The following CDH4 variants were observed in gnomAD, a reference collection of about 807,000 sequenced individuals.
CDH4 encodes cadherin-4.
A neutral mutation model predicts 86.0 loss-of-function variants in CDH4; 33 were observed. That is an observed-to-expected ratio of 0.38 (90% CI 0.29 to 0.51). The LOEUF is 0.51. Ranked by LOEUF, CDH4 falls within the 20% of genes least tolerant of loss-of-function variation. CDH4 has a pLI of 0.86. For missense variants in CDH4, 1,114 were observed against 1,307.4 expected, an observed-to-expected ratio of 0.85 and a Z score of 2.28; for synonymous variants, 555 against 549.4, an observed-to-expected ratio of 1.01 and a Z score of -0.14.
intron 2 of CDH4, among the ~76,000 whole-genome samples, chr20:61,639,740 C>T (rs977851582): frequency 1.3e-5 from 2 of 151,464 alleles, no homozygotes; most frequent in Non-Finnish European, 2.9e-5. Flanking sequence ...GCAGAAGGCT[C>T]GAGCTTTGTG....
chr20:61,904,051 G>C (rs1179404872), intron 8 of CDH4, among the ~76,000 whole-genome samples: 2 of 152,240 alleles, frequency 1.3e-5, no homozygotes, highest in East Asian at 3.8e-4. Flanking sequence ...CCGCCCCTGG[G>C]ACTTCCCCCA....
intron 2 of CDH4, among the ~76,000 whole-genome samples, chr20:61,416,272 T>A (rs1319094816): frequency 3.3e-5 from 5 of 152,180 alleles, no homozygotes; most frequent in African/African-American, 1.2e-4. Flanking sequence ...AGTGCTGGGA[T>A]TACAGGCGTG....
intron 2 of CDH4, among the ~76,000 whole-genome samples, chr20:61,572,824 T>TATGGATGG (rs56253553): frequency 0.043 from 6,305 of 146,126 alleles, 174 homozygotes; most frequent in Middle Eastern, 0.063. Context: ...TTCAGAACAC[T>TATGGATGG]ATGGATGGAT....
intron 2 of CDH4, among the ~76,000 whole-genome samples, chr20:61,566,673 A>G (rs2086300454): frequency 6.6e-6 from 1 of 151,922 alleles, no homozygotes; most frequent in Admixed American, 6.6e-5. Flanking sequence ...AGTGGTACAT[A>G]TTTACCCAAA....
intron 2 of CDH4, among the ~76,000 whole-genome samples, chr20:61,669,814 T>A (rs2087366976): frequency 6.6e-6 from 1 of 152,124 alleles, no homozygotes; most frequent in African/African-American, 2.4e-5. Flanking sequence ...TGATCCAGGA[T>A]GGGATGTGAC....
intron 4 of CDH4, among the ~76,000 whole-genome samples, chr20:61,830,438 TC>T (rs1392558496): frequency 6.6e-6 from 1 of 151,684 alleles, no homozygotes; most frequent in Non-Finnish European, 1.5e-5. Context: ...AGCACACACC[TC>T]CCGGGGCCTC....
At chr20:61,740,786 C>T (rs1163264747) in intron 2 of CDH4, 8 of 152,206 alleles carry the variant, frequency 5.3e-5, no homozygotes, top group Non-Finnish European at 8.8e-5. Flanking sequence ...ACACAGAGGT[C>T]GTGTTTGGAG....
chr20:61,835,974 C>A (rs1241390415), intron 4 of CDH4, among the ~76,000 whole-genome samples: 1 of 152,254 alleles, frequency 6.6e-6, no homozygotes, highest in East Asian at 1.9e-4. Context: ...AGGACCCTGA[C>A]TACCCACAGG....
At chr20:61,757,894 C>A (rs2088585026) in intron 3 of CDH4, among the ~76,000 whole-genome samples, 1 of 152,194 alleles carries the variant, frequency 6.6e-6, no homozygotes, top group Non-Finnish European at 1.5e-5. Context: ...ACCTTGGAGT[C>A]CCATGGGCTG....
At chr20:61,845,600 C>T (rs541680881) in intron 5 of CDH4, among the ~76,000 whole-genome samples, 3 of 152,362 alleles carry the variant, frequency 2.0e-5, no homozygotes, top group East Asian at 1.9e-4. Flanking sequence ...GGTCACACCC[C>T]GACCTGCCCC....
chr20:61,334,817 C>G (rs1328188110), intron 2 of CDH4, among the ~76,000 whole-genome samples: 1 of 152,238 alleles, frequency 6.6e-6, no homozygotes, highest in Non-Finnish European at 1.5e-5. Flanking sequence ...TGGCATTCAG[C>G]TTTTGGAACC....
At chr20:61,546,818 C>A (rs1048923046) in intron 2 of CDH4, among the ~76,000 whole-genome samples, 2 of 152,120 alleles carry the variant, frequency 1.3e-5, no homozygotes, top group African/African-American at 4.8e-5. Context: ...GGTTGGCTGG[C>A]TGGGCGCCGA....
intron 2 of CDH4, among the ~76,000 whole-genome samples, chr20:61,723,928 A>AGGTGG (rs2088076032): frequency 8.1e-6 from 1 of 124,050 alleles, no homozygotes; most frequent in Admixed American, 8.2e-5. Context: ...TCCATGTGGC[A>AGGTGG]GGGGGGTAGG....
At chr20:61,542,129 C>T (rs1429841091) in intron 2 of CDH4, among the ~76,000 whole-genome samples, 1 of 152,188 alleles carries the variant, frequency 6.6e-6, no homozygotes, top group African/African-American at 2.4e-5. Flanking sequence ...CACATTCCAC[C>T]TGCTCTAAAA....
chr20:61,329,215 T>C (rs1178367531), intron 2 of CDH4, among the ~76,000 whole-genome samples: 3 of 151,060 alleles, frequency 2.0e-5, no homozygotes, highest in Admixed American at 6.7e-5. Flanking sequence ...AGTTGGAGAC[T>C]GTCTGTACTT....
At chr20:61,654,717 C>T (rs941824556) in intron 2 of CDH4, among the ~76,000 whole-genome samples, 9 of 152,252 alleles carry the variant, frequency 5.9e-5, no homozygotes, top group Non-Finnish European at 8.8e-5. Context: ...AAGCAGGATA[C>T]GAATTCTGTA....
chr20:61,340,415 T>TC (rs911202364), intron 2 of CDH4, among the ~76,000 whole-genome samples: 3 of 152,192 alleles, frequency 2.0e-5, no homozygotes, highest in Admixed American at 1.3e-4. Flanking sequence ...AAGTCCGGTG[T>TC]CCATCTGTCG....
intron 2 of CDH4, among the ~76,000 whole-genome samples, chr20:61,384,492 G>A (rs2084940762): frequency 6.6e-6 from 1 of 152,162 alleles, no homozygotes; most frequent in Non-Finnish European, 1.5e-5. Flanking sequence ...GGAAGCTGGT[G>A]ACCTGGATGT....
intron 2 of CDH4, among the ~76,000 whole-genome samples, chr20:61,678,116 T>C (rs1310997476): frequency 6.6e-6 from 1 of 151,584 alleles, no homozygotes; most frequent in African/African-American, 2.4e-5. Context: ...AGATGATACA[T>C]TAGAAGACGG....
Sources: gnomAD v4.1 joint callset for allele counts (sites outside exome capture counted in the v4.1 genomes callset) on GRCh38, gnomAD v4.1.1 for gene constraint, MANE v1.5 for transcripts, NCBI Gene and HGNC (gene_info 2026-07-23, HGNC 2026-07-21) for gene names.